The following PIBF1 variants were observed in gnomAD, a reference collection of about 807,000 sequenced individuals.
PIBF1 encodes the protein progesterone-induced-blocking factor 1.
A neutral mutation model predicts 112.5 loss-of-function variants in PIBF1; 90 were observed. That is an observed-to-expected ratio of 0.80 (90% confidence interval 0.67 to 0.95). The LOEUF (loss-of-function observed/expected upper bound fraction) is 0.95. PIBF1 is among the 40% of genes least tolerant of loss of function. PIBF1 has a pLI of 0.00. For missense variants in PIBF1, 915 were observed against 852.3 expected (o/e 1.07, Z -0.92); for synonymous variants, 301 against 288.6 (o/e 1.04, Z -0.44).
At chr13:73,002,983 C>A (rs373202642) in intron 17 of PIBF1, among the ~76,000 whole-genome samples, 35 of 57,518 alleles carry the variant, frequency 6.1e-4, no homozygotes, top group South Asian at 3.3e-3. Context: ...ACTCTGGTCT[C>A]AAAAAAAAAA....
chr13:72,849,318 C>T (rs895788650), intron 9 of PIBF1, among the ~76,000 whole-genome samples: 7 of 152,116 alleles, frequency 4.6e-5, no homozygotes, highest in East Asian at 1.9e-4. Flanking sequence ...TTTGATTATA[C>T]GCTTGGTTTG....
At chr13:72,845,471 G>A (rs1335487394) in intron 9 of PIBF1, among the ~76,000 whole-genome samples, 2 of 152,116 alleles carry the variant, frequency 1.3e-5, no homozygotes, top group African/African-American at 2.4e-5. Flanking sequence ...TCTTTTTATA[G>A]TAGAGTGATT....
intron 13 of PIBF1, among the ~76,000 whole-genome samples, chr13:72,928,026 CATAT>C (rs67144729): frequency 0.12 from 14,741 of 118,508 alleles, 1,208 homozygotes; most frequent in Admixed American, 0.16. Context: ...CATATATATA[CATAT>C]ATATATATAT....
intron 13 of PIBF1, among the ~76,000 whole-genome samples, chr13:72,928,590 C>T (rs182783119): frequency 4.6e-5 from 7 of 152,176 alleles, no homozygotes; most frequent in African/African-American, 1.7e-4. Context: ...CAGGCGCCTG[C>T]CACCACGCCC....
intron 16 of PIBF1, among the ~76,000 whole-genome samples, chr13:72,982,017 A>G (rs1261490264): frequency 6.6e-6 from 1 of 152,230 alleles, no homozygotes; most frequent in African/African-American, 2.4e-5. Context: ...ATCTGTAAAT[A>G]AAGGTAATAT....
Position 72,795,488 on chromosome 13 carries a change from G to T in PIBF1, c.483G>T (p.Leu161Phe). ...DVRRNLRDFE[L>F]TEEQYIKLKA... is the part of the protein sequence containing the mutation. ...GTCGAAACCTGCGTGACTTTGAGTT[G>T]ACAGAAGAGCAATATATTAAATTAA... is the stretch of plus-strand genomic sequence containing the variant. The change falls in exon 4 of 18, where the codon TTG (leucine) becomes TTT (phenylalanine). Residue 161 changes from leucine to phenylalanine, a missense_variant. Coordinates refer to ENST00000326291, the MANE Select transcript of PIBF1 (RefSeq NM_006346.4). 1 of 1,609,850 alleles carries T rather than the reference G, an allele frequency of 6.2e-7. No individual in the cohort carries two copies. Among genetic ancestry groups the T allele is most frequent in the Non-Finnish European group, 8.5e-7 (1 of 1,178,408 alleles).
At chr13:72,786,039 C>T (rs1311223701) in intron 2 of PIBF1, among the ~76,000 whole-genome samples, 1 of 152,056 alleles carries the variant, frequency 6.6e-6, no homozygotes, top group Non-Finnish European at 1.5e-5. Context: ...TGTTTTTATT[C>T]CGTGATTTCC....
chr13:72,897,857 GA>G (rs2040340292), intron 11 of PIBF1, among the ~76,000 whole-genome samples: 1 of 152,152 alleles, frequency 6.6e-6, no homozygotes, highest in African/African-American at 2.4e-5. Context: ...AATAGTGGGG[GA>G]CTTCAGTACT....
chr13:72,942,071 A>G (rs1016335467), intron 14 of PIBF1, among the ~76,000 whole-genome samples: 4 of 152,088 alleles, frequency 2.6e-5, no homozygotes, highest in East Asian at 3.9e-4. Flanking sequence ...TTCTGCCTCT[A>G]ACAACTGCTA....
chr13:72,967,968 G>A (rs540262054), intron 15 of PIBF1, among the ~76,000 whole-genome samples: 46 of 152,060 alleles, frequency 3.0e-4, no homozygotes, highest in Non-Finnish European at 5.3e-4. Context: ...GGCGGATCAC[G>A]AGGTCAGGAG....
At chr13:72,947,492 G>A (rs1332209334) in intron 14 of PIBF1, among the ~76,000 whole-genome samples, 1 of 152,146 alleles carries the variant, frequency 6.6e-6, no homozygotes, top group Non-Finnish European at 1.5e-5. Flanking sequence ...TTTGCTCCTT[G>A]TTACATAGGC....
intron 10 of PIBF1, among the ~76,000 whole-genome samples, chr13:72,870,969 A>G (rs1285332846): frequency 1.3e-5 from 2 of 152,202 alleles, no homozygotes; most frequent in East Asian, 3.8e-4. Flanking sequence ...GAGGGCTGAC[A>G]TGATGAGATT....
intron 16 of PIBF1, among the ~76,000 whole-genome samples, chr13:72,986,676 C>CTTTTTTTT (rs765529786): frequency 4.5e-5 from 4 of 89,006 alleles, no homozygotes; most frequent in Non-Finnish European, 6.4e-5. Context: ...TTTCTGTCAT[C>CTTTTTTTT]TTTTTTTTTT....
intron 10 of PIBF1, among the ~76,000 whole-genome samples, chr13:72,859,007 G>T (rs1329525287): frequency 6.6e-6 from 1 of 151,956 alleles, no homozygotes; most frequent in African/African-American, 2.4e-5. Context: ...CAAATTACTT[G>T]ACTTTTTTTA....
At chr13:72,994,812 A>G (rs1322005472) in intron 16 of PIBF1, among the ~76,000 whole-genome samples, 1 of 152,196 alleles carries the variant, frequency 6.6e-6, no homozygotes, top group Non-Finnish European at 1.5e-5. Flanking sequence ...TCGTAGTGAC[A>G]AAAATGTTTT....
chr13:73,007,702 G>A (rs1191750187), intron 17 of PIBF1, among the ~76,000 whole-genome samples: 4 of 151,780 alleles, frequency 2.6e-5, no homozygotes, highest in Admixed American at 1.3e-4. Flanking sequence ...CTAGCTACTC[G>A]GGAGGCTGAG....
At chr13:72,791,977 A>G (rs1236581588) in intron 2 of PIBF1, among the ~76,000 whole-genome samples, 3 of 151,330 alleles carry the variant, frequency 2.0e-5, no homozygotes, top group South Asian at 4.2e-4. Context: ...AAGATAGAGG[A>G]ATATAAATTT....
intron 11 of PIBF1, among the ~76,000 whole-genome samples, chr13:72,903,907 C>T (rs1417852391): frequency 6.6e-6 from 1 of 152,128 alleles, no homozygotes; most frequent in East Asian, 1.9e-4. Flanking sequence ...ATAATAATAG[C>T]AACTGTTTCA....
At chr13:72,922,663 CATA>C (rs1196687021) in intron 13 of PIBF1, among the ~76,000 whole-genome samples, 1 of 152,002 alleles carries the variant, frequency 6.6e-6, no homozygotes, top group South Asian at 2.1e-4. Context: ...TACTGAACTT[CATA>C]ATAAAAAAAA....
Sources: gnomAD v4.1 joint callset for allele counts (sites outside exome capture counted in the v4.1 genomes callset) on GRCh38, gnomAD v4.1.1 for gene constraint, MANE v1.5 for transcripts, NCBI Gene and HGNC (gene_info 2026-07-23, HGNC 2026-07-21) for gene names.